ERC2: variants seen among roughly 807,000 people sequenced by gnomAD.
ERC2 encodes the protein ERC protein 2.
ERC2 carries 42 observed loss-of-function variants against 114.8 expected under a neutral mutation model. That is an observed-to-expected ratio of 0.37 (90% CI 0.29 to 0.47). The LOEUF (loss-of-function observed/expected upper bound fraction) is 0.47. ERC2 is among the 20% of genes least tolerant of loss of function. ERC2 has a pLI of 0.99. For missense variants in ERC2, 939 were observed against 1,150.7 expected (o/e 0.82, Z 2.66); for synonymous variants, 454 against 425.5 (o/e 1.07, Z -0.82).
Position 56,040,777 on chromosome 3 carries a change from T to C in ERC2, c.1642-21746A>G, listed in dbSNP as rs543523241. On this transcript the variant is annotated intron_variant, in intron 7 of 17. Coordinates refer to ENST00000288221, the MANE Select transcript of ERC2 (RefSeq NM_015576.3). ...ATATAGATACATAGATCTCTATATA[T>C]AGAGATATATATAGATATATATAGA... is the stretch of plus-strand genomic sequence containing the variant. Among the ~76,000 whole-genome samples the C allele has an allele frequency of 1.8e-4, 19 of 106,974 alleles. No homozygotes were observed. In the South Asian group the frequency reaches 6.7e-3, roughly 38 times the overall value. 70.2% of individuals were successfully genotyped at this position (106,974 alleles called of 152,430 possible). A position where few individuals can be genotyped will look rare whatever the true frequency, so the allele number is the denominator to read the frequency against.
intron 10 of ERC2, among the ~76,000 whole-genome samples, chr3:55,995,696 CA>C (rs1468349411): frequency 6.6e-6 from 1 of 152,156 alleles, no homozygotes; most frequent in Non-Finnish European, 1.5e-5. Flanking sequence ...AAAGAATTTA[CA>C]AAAGATATTG....
intron 14 of ERC2, among the ~76,000 whole-genome samples, chr3:55,776,341 G>A (rs1022745843): frequency 3.3e-5 from 5 of 152,038 alleles, no homozygotes; most frequent in East Asian, 1.9e-4. Context: ...AGAGCACAAC[G>A]GAGTAAGAAC....
At chr3:56,123,370 C>G (rs1244709248) in intron 6 of ERC2, among the ~76,000 whole-genome samples, 4 of 151,772 alleles carry the variant, frequency 2.6e-5, no homozygotes, top group African/African-American at 7.3e-5. Context: ...ATCTGTGAAC[C>G]AGAAAACTGG....
intron 3 of ERC2, among the ~76,000 whole-genome samples, chr3:56,199,512 C>T (rs1021519681): frequency 5.3e-5 from 8 of 151,858 alleles, no homozygotes; most frequent in Non-Finnish European, 1.0e-4. Flanking sequence ...ACACCACACA[C>T]ATTTTTTCCC....
chr3:55,531,186 C>A (rs979710302), intron 17 of ERC2, among the ~76,000 whole-genome samples: 12 of 152,104 alleles, frequency 7.9e-5, no homozygotes, highest in African/African-American at 2.7e-4. Flanking sequence ...ACTCTAGGGG[C>A]CTTGGCCTGC....
rs548649514 is a variant in ERC2, at chr3:56,436,630, A to G, written c.-140-1483T>C. Among the ~76,000 whole-genome samples, 199 of 152,188 alleles carry G rather than the reference A, an allele frequency of 1.3e-3. 1 individual carries two copies. The highest frequency in any genetic ancestry group is 7.3e-3 in the South Asian group (35 of 4,826). ...GGATGGTGCAAGGGGTGAGAACATG[A>G]CCCACGCCTGGCCAACCACCATATT... On this transcript the variant is annotated intron_variant, in intron 1 of 17. Coordinates refer to ENST00000288221, the MANE Select transcript of ERC2 (RefSeq NM_015576.3).
At chr3:55,681,459 G>A (rs559431394) in intron 17 of ERC2, among the ~76,000 whole-genome samples, 1 of 152,236 alleles carries the variant, frequency 6.6e-6, no homozygotes, top group South Asian at 2.1e-4. Flanking sequence ...TCCATCTTTA[G>A]TTATAAATTT....
chr3:55,575,792 CA>C (rs2056946505), intron 17 of ERC2, among the ~76,000 whole-genome samples: 1 of 152,166 alleles, frequency 6.6e-6, no homozygotes, highest in Non-Finnish European at 1.5e-5. Context: ...AGGGGAAAAC[CA>C]GAGTAGCAAG....
chr3:55,784,612 TTTC>T (rs1222797003), intron 14 of ERC2, among the ~76,000 whole-genome samples: 2 of 152,242 alleles, frequency 1.3e-5, no homozygotes, highest in African/African-American at 4.8e-5. Flanking sequence ...TTTAGAGATC[TTTC>T]TTCTTCCTTT....
At chr3:56,395,618 G>T (rs955501617) in intron 2 of ERC2, among the ~76,000 whole-genome samples, 2 of 152,098 alleles carry the variant, frequency 1.3e-5, no homozygotes, top group Non-Finnish European at 2.9e-5. Flanking sequence ...TCCTGCTTTC[G>T]CCATGTGATG....
At chr3:56,332,508 C>G (rs2057671845) in intron 2 of ERC2, among the ~76,000 whole-genome samples, 1 of 152,130 alleles carries the variant, frequency 6.6e-6, no homozygotes, top group Non-Finnish European at 1.5e-5. Flanking sequence ...TGATTTCTAC[C>G]CAGCTCTTTC....
rs532835828 is a variant in ERC2 at position 55,775,970 on chromosome 3, G to A, written c.2565-41052C>T. 6.2e-4 allele frequency among the ~76,000 whole-genome samples: 95 copies of A among 152,284 alleles called. No homozygotes were observed. In the South Asian group the frequency reaches 1.0e-2, roughly 16 times the overall value. ...CCATGAGCTGTGCACCACAGGAGAA[G>A]AAGGATAAAGAAAGCAGTTTGGTGG... On this transcript the variant is annotated intron_variant, in intron 14 of 17. Coordinates refer to ENST00000288221, the MANE Select transcript of ERC2 (RefSeq NM_015576.3).
At chr3:55,837,453 A>C (rs1248426610) in intron 14 of ERC2, among the ~76,000 whole-genome samples, 1 of 152,084 alleles carries the variant, frequency 6.6e-6, no homozygotes, top group Non-Finnish European at 1.5e-5. Flanking sequence ...TGTCCTTTGC[A>C]GGGACATGGA....
chr3:56,189,293 T>C (rs2083835893), intron 3 of ERC2, among the ~76,000 whole-genome samples: 1 of 152,236 alleles, frequency 6.6e-6, no homozygotes, highest in African/African-American at 2.4e-5. Context: ...TTACGTGAGA[T>C]ACCTCCAGGT....
chr3:56,347,053 A>T (rs1363144803), intron 2 of ERC2, among the ~76,000 whole-genome samples: 1 of 152,188 alleles, frequency 6.6e-6, no homozygotes, highest in Non-Finnish European at 1.5e-5. Flanking sequence ...AACCACAGCA[A>T]ATACTAACTT....
At chr3:55,881,925 G>C (rs1470677939) in intron 14 of ERC2, among the ~76,000 whole-genome samples, 1 of 152,172 alleles carries the variant, frequency 6.6e-6, no homozygotes, top group Non-Finnish European at 1.5e-5. Flanking sequence ...TATATGGTTG[G>C]TAACTGTTAG....
At chr3:55,797,566 A>G (rs1351943378) in intron 14 of ERC2, among the ~76,000 whole-genome samples, 1 of 152,230 alleles carries the variant, frequency 6.6e-6, no homozygotes, top group Non-Finnish European at 1.5e-5. Flanking sequence ...CACCAAGCAT[A>G]TAAGGAAACC....
chr3:55,549,930 A>AGAG (rs1553699142), intron 17 of ERC2, among the ~76,000 whole-genome samples: 1 of 94,050 alleles, frequency 1.1e-5, no homozygotes, highest in African/African-American at 4.2e-5. Flanking sequence ...CGACACACAC[A>AGAG]AGAGAGAGAG....
chr3:56,421,557 G>A (rs1330767004), intron 2 of ERC2, among the ~76,000 whole-genome samples: 3 of 152,208 alleles, frequency 2.0e-5, no homozygotes, highest in African/African-American at 7.2e-5. Flanking sequence ...TCCCTGGTGA[G>A]CACTTGAATG....
Sources: allele counts gnomAD v4.1 joint callset (sites outside exome capture counted in the v4.1 genomes callset), GRCh38; gene constraint gnomAD v4.1.1; transcripts MANE v1.5; gene names NCBI Gene and HGNC (gene_info 2026-07-23, HGNC 2026-07-21).